TRPA1: variants seen among roughly 807,000 people sequenced by gnomAD.
TRPA1 encodes the protein ankyrin-like with transmembrane domains 1.
TRPA1 carries 129 observed loss-of-function variants against 131.3 expected under a neutral mutation model. The ratio of observed to expected loss-of-function variants is 0.98; its 90% CI spans 0.85 to 1.14. The LOEUF is 1.14. Ranked by LOEUF, TRPA1 falls within the 50% of genes most tolerant of loss-of-function variation. The probability of loss-of-function intolerance (pLI) is 0.00; values close to 1 mark genes in which losing one functional copy is unlikely to be tolerated. For synonymous variants in TRPA1, 441 were observed against 451.7 expected, an observed-to-expected ratio of 0.98 and a Z score of 0.30; for missense variants, 1,304 against 1,354.2, an observed-to-expected ratio of 0.96 and a Z score of 0.58.
chr8:72,047,001 C>A (rs920766799), intron 16 of TRPA1, 147 bp downstream of exon 16: 50 of 640,568 alleles, frequency 7.8e-5, no homozygotes, highest in Non-Finnish European at 1.2e-4. Flanking sequence ...GGGAAAAATT[C>A]TCTCACAAGT....
chr8:72,024,088 A>C (rs1270021003), intron 25 of TRPA1, among the ~76,000 whole-genome samples, 177 bp from the exon 26 acceptor site: 1 of 152,214 alleles, frequency 6.6e-6, no homozygotes, highest in African/African-American at 2.4e-5. Flanking sequence ...TGTGAAAGGA[A>C]GTCATACATA....
At chr8:72,025,618 T>G (rs7839400) in intron 25 of TRPA1, among the ~76,000 whole-genome samples, 12,874 of 152,188 alleles carry the variant, frequency 0.085, 1,681 homozygotes, top group African/African-American at 0.28. Context: ...TAAATGTAAG[T>G]GACATGTGAC....
chr8:72,035,663 C>A (rs1812009958), intron 21 of TRPA1, among the ~76,000 whole-genome samples: 1 of 152,080 alleles, frequency 6.6e-6, no homozygotes, highest in African/African-American at 2.4e-5. Context: ...GAATTAGATT[C>A]TTTGGGCTTA....
chr8:72,038,331 G>A (rs1206981870), intron 19 of TRPA1, among the ~76,000 whole-genome samples: 1 of 151,830 alleles, frequency 6.6e-6, no homozygotes, highest in Non-Finnish European at 1.5e-5. Context: ...ATATGAATCT[G>A]TAGGCCAATA....
the TRPA1 span, among the ~76,000 whole-genome samples, chr8:72,086,501 G>T: frequency 0.038 from 5,839 of 152,066 alleles, 378 homozygotes; most frequent in African/African-American, 0.13. Context: ...CCTTATTTTG[G>T]CTTCCTATTG....
At chr8:72,062,690 A>G in intron 6 of TRPA1, 109 bp downstream of exon 6, 2 of 1,121,742 alleles carry the variant, frequency 1.8e-6, no homozygotes, top group Non-Finnish European at 2.7e-6. Context: ...GGAAATATGT[A>G]TTTCTTGTAT....
intron 3 of TRPA1, among the ~76,000 whole-genome samples, chr8:72,065,822 G>A (rs947124217): frequency 1.3e-5 from 2 of 152,122 alleles, no homozygotes; most frequent in Non-Finnish European, 2.9e-5. Context: ...AAGAATTATA[G>A]ATACTAGTTA....
chr8:72,088,746 G>A, the TRPA1 span, among the ~76,000 whole-genome samples: 450 of 152,174 alleles, frequency 3.0e-3, 2 homozygotes, highest in African/African-American at 9.9e-3. Context: ...TCTATGAAAT[G>A]CTGTTTTCTA....
At chr8:72,065,633 A>C in intron 3 of TRPA1, 75 bp from the exon 4 acceptor site, 1 of 1,010,086 alleles carries the variant, frequency 9.9e-7, no homozygotes, top group South Asian at 1.3e-5. Flanking sequence ...ACTAGAGTTT[A>C]AGTTTTCAAA....
intron 1 of TRPA1, 115 bp downstream of exon 1, chr8:72,075,184 C>G: frequency 1.2e-6 from 1 of 819,208 alleles, no homozygotes; most frequent in Non-Finnish European, 2.1e-6. Flanking sequence ...TGCACACACC[C>G]CAAAGCTTGC....
At chr8:72,051,389 A>C (rs1469999535) in intron 14 of TRPA1, among the ~76,000 whole-genome samples, 1 of 152,200 alleles carries the variant, frequency 6.6e-6, no homozygotes, top group Non-Finnish European at 1.5e-5. Context: ...CATTTTCTTC[A>C]TCACCATCCA....
At chr8:72,080,305 G>A (rs1317296827), upstream of TRPA1, among the ~76,000 whole-genome samples, 1 of 150,704 alleles carries the variant, frequency 6.6e-6, no homozygotes, top group Non-Finnish European at 1.5e-5. Context: ...TCAGGTTGAG[G>A]AAAATATTTT....
In TRPA1 at chr8:72,062,962, A is replaced by G. The variant is rs777488892; in HGVS notation, c.662-18T>C. 6.2e-7 allele frequency: 1 copy of G among 1,608,618 alleles called. No individual in the cohort carries two copies. The highest frequency in any genetic ancestry group is 8.5e-7 in the Non-Finnish European group (1 of 1,176,156). On this transcript the variant is annotated intron_variant, in intron 5 of 26. Transcript: ENST00000262209. The stretch of plus-strand genomic sequence containing the variant: ...CTCTTCACCTTGAGAAGAAAATAAC[A>G]TTCAACATAACAAATATATAAAATA...
chr8:72,026,817 T>C (rs1315973960), intron 24 of TRPA1, among the ~76,000 whole-genome samples: 4 of 152,168 alleles, frequency 2.6e-5, no homozygotes, highest in Non-Finnish European at 5.9e-5. Flanking sequence ...ACTAGTGAGA[T>C]TTGCTTTCTA....
the TRPA1 span, among the ~76,000 whole-genome samples, chr8:72,085,467 T>G: frequency 6.6e-6 from 1 of 152,122 alleles, no homozygotes; most frequent in East Asian, 1.9e-4. Flanking sequence ...ACAATGGTGG[T>G]AAATTTATAC....
Position 72,068,923 on chromosome 8 carries a change from C to T in TRPA1, c.444+100G>A. On this transcript the variant is annotated intron_variant, in intron 3 of 26. Transcript: ENST00000262209. ...AATTGCATTTTGTTTGCCATGGAAG[C>T]TTAGAAGGTGCTCATCCTGGTGCAA... 3.2e-6 allele frequency: 4 copies of T among 1,233,586 alleles called. No individual in the cohort carries two copies. In the South Asian group the frequency reaches 4.9e-5, roughly 15 times the overall value. 76.4% of individuals were successfully genotyped at this position (1,233,586 alleles called of 1,614,324 possible). A position where few individuals can be genotyped will look rare whatever the true frequency, so the allele number is the denominator to read the frequency against.
chr8:72,079,978 A>T (rs1212241180), upstream of TRPA1, among the ~76,000 whole-genome samples: 1 of 151,976 alleles, frequency 6.6e-6, no homozygotes, highest in Non-Finnish European at 1.5e-5. Context: ...TTACAGAAAT[A>T]CAATTGAATT....
chr8:72,068,808 G>A (rs544821900), intron 3 of TRPA1, among the ~76,000 whole-genome samples: 2 of 152,178 alleles, frequency 1.3e-5, no homozygotes, highest in Non-Finnish European at 2.9e-5. Context: ...AAGCTCTCAT[G>A]AAAATGCCCG....
intron 23 of TRPA1, among the ~76,000 whole-genome samples, chr8:72,030,571 C>G (rs1268453783): frequency 2.6e-5 from 4 of 152,098 alleles, no homozygotes; most frequent in African/African-American, 4.8e-5. Flanking sequence ...TTAAGACATA[C>G]AAATTAATCC....
Sources: gnomAD v4.1 joint callset for allele counts (sites outside exome capture counted in the v4.1 genomes callset) on GRCh38, gnomAD v4.1.1 for gene constraint, MANE v1.5 for transcripts, NCBI Gene and HGNC (gene_info 2026-07-23, HGNC 2026-07-21) for gene names.